GRIK3: variants seen among roughly 807,000 people sequenced by gnomAD.
GRIK3 encodes glutamate receptor ionotropic, kainate 3.
A neutral mutation model predicts 102.5 loss-of-function variants in GRIK3; 29 were observed. The observed-to-expected ratio is 0.28, with a 90% CI of 0.21 to 0.39. The LOEUF is 0.39. Among genes scored for constraint, GRIK3 ranks in the 10% least tolerant of loss-of-function variants. GRIK3 has a pLI of 1.00. For missense variants in GRIK3, 908 were observed against 1,252.4 expected, an observed-to-expected ratio of 0.73 and a Z score of 4.15; for synonymous variants, 511 against 504.9, an observed-to-expected ratio of 1.01 and a Z score of -0.16.
At chr1:36,946,659 A>G (rs568151025) in intron 1 of GRIK3, among the ~76,000 whole-genome samples, 1 of 152,298 alleles carries the variant, frequency 6.6e-6, no homozygotes, top group Non-Finnish European at 1.5e-5. Context: ...CGCCACCCAC[A>G]CAACCCTTAT....
chr1:36,803,361 A>G (rs1642463125), intron 15 of GRIK3, among the ~76,000 whole-genome samples: 1 of 152,184 alleles, frequency 6.6e-6, no homozygotes, highest in African/African-American at 2.4e-5. Context: ...AAGTGGGCAG[A>G]GAAGTGGAGT....
At chr1:36,816,923 G>A (rs191702316) in intron 13 of GRIK3, 137 bp downstream of exon 13, 33 of 641,814 alleles carry the variant, frequency 5.1e-5, no homozygotes, top group Admixed American at 2.5e-4. Context: ...GTCCAAACAC[G>A]GTGGGGCTGA....
At position 36,872,456 on chromosome 1, in the gene GRIK3, T is replaced by C; in HGVS notation, c.551-87A>G. 1 of 1,078,010 alleles carries C rather than the reference T, an allele frequency of 9.3e-7. No individual in the cohort carries two copies. Among genetic ancestry groups the C allele is most frequent in the Non-Finnish European group, 1.3e-6 (1 of 749,266 alleles). The allele number at this position is 1,078,010 out of a possible 1,614,324, so 66.8% of individuals were successfully genotyped here. A position where few individuals can be genotyped will look rare whatever the true frequency, so the allele number is the denominator to read the frequency against. ...CCACTTGGACTTGTGTGCACACACA[T>C]GCCCATGGCCACAGGTCTGCAGACA... On this transcript the variant is annotated intron_variant, in intron 3 of 15. Coordinates refer to ENST00000373091, the MANE Select transcript of GRIK3 (RefSeq NM_000831.4). The surrounding 1 kb of genome is among the most constrained non-coding windows in gnomAD (Gnocchi z 5.9).
chr1:36,881,516 C>T (rs115553710), intron 2 of GRIK3, among the ~76,000 whole-genome samples: 3,145 of 152,162 alleles, frequency 0.021, 124 homozygotes, highest in African/African-American at 0.072. Context: ...CACTCATATC[C>T]CACACCCCAA....
intron 1 of GRIK3, among the ~76,000 whole-genome samples, chr1:37,010,988 G>A (rs533693751): frequency 2.3e-4 from 35 of 152,178 alleles, no homozygotes; most frequent in African/African-American, 8.4e-4. Context: ...TGATCCACCC[G>A]CCTCCGCCTC....
At chr1:36,804,356 CAG>C (rs1642474974) in intron 15 of GRIK3, among the ~76,000 whole-genome samples, 1 of 152,192 alleles carries the variant, frequency 6.6e-6, no homozygotes, top group African/African-American at 2.4e-5. Flanking sequence ...CCAATTAAAA[CAG>C]AGAGTCTCTG....
chr1:37,024,579 C>T (rs1405014351), intron 1 of GRIK3, among the ~76,000 whole-genome samples: 5 of 151,222 alleles, frequency 3.3e-5, no homozygotes, highest in Non-Finnish European at 7.4e-5. Flanking sequence ...CCCATCTCTA[C>T]TAAAAATAGA....
intron 8 of GRIK3, 78 bp downstream of exon 8, chr1:36,853,537 C>T: frequency 1.1e-6 from 1 of 943,550 alleles, no homozygotes; most frequent in South Asian, 1.3e-5. Context: ...GCCTCTGGGC[C>T]TCTGACTGAG....
At chr1:36,925,364 A>G (rs1307196020) in intron 1 of GRIK3, among the ~76,000 whole-genome samples, 1 of 152,224 alleles carries the variant, frequency 6.6e-6, no homozygotes, top group Non-Finnish European at 1.5e-5. Context: ...CCCAGCCCCC[A>G]GGGGCCTAGA....
chr1:36,852,754 T>G (rs889798792), intron 8 of GRIK3, among the ~76,000 whole-genome samples: 9 of 152,168 alleles, frequency 5.9e-5, no homozygotes, highest in Non-Finnish European at 1.2e-4. Context: ...CTCACTACAT[T>G]TCATACACAG....
At chr1:36,939,250 A>G (rs1641694499) in intron 1 of GRIK3, among the ~76,000 whole-genome samples, 1 of 152,224 alleles carries the variant, frequency 6.6e-6, no homozygotes. Flanking sequence ...CCCCAAGGGG[A>G]GTAGCAACAT....
chr1:36,839,836 C>T (rs1263930814), intron 10 of GRIK3, among the ~76,000 whole-genome samples: 2 of 152,184 alleles, frequency 1.3e-5, no homozygotes, highest in Non-Finnish European at 2.9e-5. Flanking sequence ...AGTGACTCCA[C>T]TGGGCCAGGC....
At chr1:36,833,209 C>T (rs1276500895) in intron 10 of GRIK3, among the ~76,000 whole-genome samples, 3 of 152,178 alleles carry the variant, frequency 2.0e-5, no homozygotes, top group African/African-American at 4.8e-5. Flanking sequence ...TGAGCTCTGG[C>T]GTCGGGTCTC....
intron 1 of GRIK3, among the ~76,000 whole-genome samples, chr1:36,927,157 G>T (rs1277563478): frequency 6.6e-6 from 1 of 152,164 alleles, no homozygotes; most frequent in African/African-American, 2.4e-5. Context: ...AGGCTCCAGG[G>T]GAGACAGAGA....
chr1:36,804,068 C>T (rs1329752912), intron 15 of GRIK3, among the ~76,000 whole-genome samples: 1 of 152,208 alleles, frequency 6.6e-6, no homozygotes, highest in Non-Finnish European at 1.5e-5. Context: ...TGGACAGCGT[C>T]CCTTCGGTTA....
intron 2 of GRIK3, among the ~76,000 whole-genome samples, chr1:36,882,627 T>G (rs1393719336): frequency 6.6e-6 from 1 of 151,494 alleles, no homozygotes; most frequent in Non-Finnish European, 1.5e-5. Flanking sequence ...CAGCCATGAG[T>G]TTAGAGGACA....
chr1:36,950,085 C>T (rs922511136), intron 1 of GRIK3, among the ~76,000 whole-genome samples: 3 of 152,280 alleles, frequency 2.0e-5, no homozygotes, highest in Non-Finnish European at 2.9e-5. Context: ...AGGGTACACA[C>T]ATACACAACA....
At chr1:36,825,179 TC>T (rs1642741839) in intron 11 of GRIK3, among the ~76,000 whole-genome samples, 1 of 152,122 alleles carries the variant, frequency 6.6e-6, no homozygotes, top group African/African-American at 2.4e-5. Flanking sequence ...TGGGCACTGT[TC>T]CCCCTGCTGT....
rs77275986 is a variant in GRIK3, at chr1:36,954,113, A to G, written c.116-63017T>C. On this transcript the variant is annotated intron_variant, in intron 1 of 15. Coordinates refer to ENST00000373091, the MANE Select transcript of GRIK3 (RefSeq NM_000831.4). The stretch of plus-strand genomic sequence containing the variant: ...CGAAGGGCATCCTTTCCGCTGGGGA[A>G]CCAGATGAGGGGCTGTGCCAGGGAC... 8.5e-3 allele frequency among the ~76,000 whole-genome samples: 1,289 copies of G among 152,296 alleles called. 20 individuals carry two copies. The highest frequency in any genetic ancestry group is 0.029 in the African/African-American group (1,213 of 41,566).
Sources: gnomAD v4.1 joint callset for allele counts (sites outside exome capture counted in the v4.1 genomes callset) on GRCh38, gnomAD v4.1.1 for gene constraint, Gnocchi (gnomAD v3.1) non-coding constraint, MANE v1.5 for transcripts, NCBI Gene and HGNC (gene_info 2026-07-23, HGNC 2026-07-21) for gene names.